The following XPR1 variants were observed in gnomAD, a reference collection of about 807,000 sequenced individuals.
XPR1 encodes xenotropic and polytropic retrovirus receptor 1.
A neutral mutation model predicts 87.5 loss-of-function variants in XPR1; 28 were observed. The ratio of observed to expected loss-of-function variants is 0.32; its 90% CI spans 0.24 to 0.44. The LOEUF is 0.44. XPR1 is among the 20% of genes least tolerant of loss of function. The probability of loss-of-function intolerance (pLI) is 1.00; values close to 1 mark genes in which losing one functional copy is unlikely to be tolerated. For synonymous variants in XPR1, 300 were observed against 306.1 expected, an observed-to-expected ratio of 0.98 and a Z score of 0.21; for missense variants, 559 against 862.3, an observed-to-expected ratio of 0.65 and a Z score of 4.41.
At position 180,734,468 on chromosome 1, in the gene XPR1, T is replaced by TG. The variant is rs1210090654; in HGVS notation, c.121+52059dup. 4.6e-5 allele frequency among the ~76,000 whole-genome samples: 7 copies of TG among 152,344 alleles called. No individual in the cohort carries two copies. The East Asian group carries it at 1.3e-3, about 29-fold the overall frequency. On this transcript the variant is annotated intron_variant, in intron 2 of 14. Transcript: ENST00000367590. ...AGGCAATCATGATGGGTGAGGGGTC[T>TG]GGCATCTTATTGTTCAAATGCAATG... is the stretch of plus-strand genomic sequence containing the variant.
intron 9 of XPR1, 44 bp from the exon 10 acceptor site, chr1:180,834,830 G>A (rs772892026): frequency 1.0e-5 from 16 of 1,570,922 alleles, no homozygotes; most frequent in Middle Eastern, 1.7e-4. Context: ...CATTTAATAC[G>A]ACTTTTCTTG....
At chr1:180,847,293 T>C (rs1183543343) in intron 11 of XPR1, among the ~76,000 whole-genome samples, 1 of 152,224 alleles carries the variant, frequency 6.6e-6, no homozygotes, top group Non-Finnish European at 1.5e-5. Flanking sequence ...AAATCTGTCA[T>C]TAAACTTTCT....
intron 12 of XPR1, among the ~76,000 whole-genome samples, chr1:180,873,567 A>G (rs1652572084): frequency 6.6e-6 from 1 of 152,238 alleles, no homozygotes; most frequent in Non-Finnish European, 1.5e-5. Flanking sequence ...ATGATTACTC[A>G]AATTCAGTAA....
In XPR1 at chr1:180,811,408, C is replaced by T. The variant is rs779641271; in HGVS notation, c.683C>T (p.Pro228Leu). 1 of 1,612,944 alleles carries T rather than the reference C, an allele frequency of 6.2e-7. No homozygotes were observed. Among genetic ancestry groups the T allele is most frequent in the Non-Finnish European group, 8.5e-7 (1 of 1,179,450 alleles). ...CAAATACTATTTTTCTGTCCACAGC[C>T]TGCACCAGCATGGACTACTTTTAGA... ...LRVPPLGAAQ[P>L]APAWTTFRVG... Residue 228 changes from proline to leucine, a missense_variant and splice_region_variant, in exon 7 of 15, where the codon CCT becomes CTT. This residue lies in a region of XPR1 where 9 missense variants were observed against 31.2 expected (regional missense o/e 0.29). Coordinates refer to ENST00000367590, the MANE Select transcript of XPR1 (RefSeq NM_004736.4).
chr1:180,677,193 T>C (rs1190942011), intron 1 of XPR1, among the ~76,000 whole-genome samples: 1 of 152,186 alleles, frequency 6.6e-6, no homozygotes, highest in Non-Finnish European at 1.5e-5. Context: ...CTACCCACAT[T>C]TTGTAACTGT....
intron 2 of XPR1, among the ~76,000 whole-genome samples, chr1:180,780,698 G>A: frequency 6.7e-6 from 1 of 149,284 alleles, no homozygotes; most frequent in East Asian, 1.9e-4. Flanking sequence ...AACCTGGGAG[G>A]CGGAGCTTGC....
intron 2 of XPR1, among the ~76,000 whole-genome samples, chr1:180,778,736 G>A (rs576922504): frequency 7.2e-5 from 11 of 152,154 alleles, no homozygotes; most frequent in Middle Eastern, 3.4e-3. Context: ...CAGTTTGATC[G>A]TGCTTTATAC....
chr1:180,667,145 A>C (rs1424673226), intron 1 of XPR1, among the ~76,000 whole-genome samples: 1 of 151,984 alleles, frequency 6.6e-6, no homozygotes, highest in Non-Finnish European at 1.5e-5. Context: ...AAACTCCTGA[A>C]CTCAAGCGAT....
chr1:180,785,580 G>A (rs1649109397), intron 2 of XPR1, among the ~76,000 whole-genome samples: 1 of 151,884 alleles, frequency 6.6e-6, no homozygotes, highest in Non-Finnish European at 1.5e-5. Flanking sequence ...TGGATTTTTT[G>A]TTTCTGAATT....
chr1:180,789,275 A>AC (rs1180830380), intron 3 of XPR1, among the ~76,000 whole-genome samples: 9 of 152,188 alleles, frequency 5.9e-5, no homozygotes, highest in African/African-American at 2.2e-4. Context: ...CAGTCTGAAT[A>AC]AATCTCTATC....
chr1:180,843,422 A>G (rs1318991448), intron 11 of XPR1, among the ~76,000 whole-genome samples: 6 of 152,188 alleles, frequency 3.9e-5, no homozygotes, highest in East Asian at 3.8e-4. Context: ...TAGCCTAACT[A>G]ATAATGCAGA....
intron 2 of XPR1, among the ~76,000 whole-genome samples, chr1:180,691,956 G>A (rs1482545406): frequency 1.3e-5 from 2 of 151,984 alleles, no homozygotes; most frequent in Admixed American, 1.3e-4. Flanking sequence ...TCAAATATGT[G>A]CATTTATATA....
At chr1:180,839,475 T>A (rs1280049491) in intron 11 of XPR1, among the ~76,000 whole-genome samples, 3 of 152,186 alleles carry the variant, frequency 2.0e-5, no homozygotes, top group Non-Finnish European at 4.4e-5. Flanking sequence ...TGAAATAATT[T>A]TATCATATTC....
At chr1:180,802,083 A>G (rs1291050292) in intron 3 of XPR1, among the ~76,000 whole-genome samples, 2 of 151,428 alleles carry the variant, frequency 1.3e-5, no homozygotes, top group African/African-American at 4.9e-5. Context: ...AGCATGAGCC[A>G]TTGCACCCAG....
At chr1:180,861,091 T>C (rs951391899) in intron 11 of XPR1, among the ~76,000 whole-genome samples, 4 of 152,154 alleles carry the variant, frequency 2.6e-5, no homozygotes, top group African/African-American at 9.6e-5. Flanking sequence ...ATATCACCTA[T>C]ACTCACTTGA....
At chr1:180,823,858 C>G (rs1249436653) in intron 7 of XPR1, among the ~76,000 whole-genome samples, 2 of 152,068 alleles carry the variant, frequency 1.3e-5, no homozygotes, top group African/African-American at 2.4e-5. Context: ...ACTCAAAGAG[C>G]CATTGTGATG....
At chr1:180,763,250 AG>A (rs1036707561) in intron 2 of XPR1, among the ~76,000 whole-genome samples, 2 of 152,332 alleles carry the variant, frequency 1.3e-5, no homozygotes, top group East Asian at 3.9e-4. Flanking sequence ...TTGCAGAAGG[AG>A]TTTAGCATGA....
At chr1:180,746,483 G>T (rs1208172524) in intron 2 of XPR1, among the ~76,000 whole-genome samples, 3 of 152,030 alleles carry the variant, frequency 2.0e-5, no homozygotes, top group Non-Finnish European at 2.9e-5. Context: ...AGTATTCCAT[G>T]GTGTATATAT....
At position 180,873,846 on chromosome 1, in the gene XPR1, T is replaced by G; in HGVS notation, c.1712T>G (p.Phe571Cys). 9 of 1,614,164 alleles carry G rather than the reference T, an allele frequency of 5.6e-6. No individual in the cohort carries two copies. Among genetic ancestry groups the G allele is most frequent in the Non-Finnish European group, 7.6e-6 (9 of 1,180,008 alleles). ...CAIIEDVILR[F>C]AWTIQISITS... ...ATAATAGAGGATGTGATTCTGCGCT[T>G]TGCTTGGACTATCCAAATCTCGATT... The change falls in exon 13 of 15, where the codon TTT (phenylalanine) becomes TGT (cysteine). Residue 571 changes from phenylalanine (F) to cysteine (C), a missense_variant. Around this residue, in one of 7 missense-constraint regions of XPR1, gnomAD observed 264 missense variants for 377.2 expected, o/e 0.70. Coordinates refer to ENST00000367590, the MANE Select transcript of XPR1 (RefSeq NM_004736.4).
Sources: allele counts gnomAD v4.1 joint callset (sites outside exome capture counted in the v4.1 genomes callset), GRCh38; gene constraint gnomAD v4.1.1; regional missense constraint gnomAD v4.1.1; transcripts MANE v1.5; gene names NCBI Gene and HGNC (gene_info 2026-07-23, HGNC 2026-07-21).